The following VPS54 variants were observed in gnomAD, a reference collection of about 807,000 sequenced individuals.
VPS54 encodes VPS54 subunit of GARP complex, also known as vacuolar protein sorting-associated protein 54.
A neutral mutation model predicts 121.5 loss-of-function variants in VPS54; 45 were observed. The observed-to-expected ratio is 0.37, with a 90% CI of 0.29 to 0.47. VPS54 has a LOEUF of 0.47. Among genes scored for constraint, VPS54 ranks in the 20% least tolerant of loss-of-function variants. VPS54 has a pLI of 0.99. For synonymous variants in VPS54, 371 were observed against 385.8 expected, an observed-to-expected ratio of 0.96 and a Z score of 0.45; for missense variants, 1,090 against 1,131.4, an observed-to-expected ratio of 0.96 and a Z score of 0.52.
intron 12 of VPS54, among the ~76,000 whole-genome samples, chr2:63,927,522 A>G (rs1673965105): frequency 6.6e-6 from 1 of 152,196 alleles, no homozygotes; most frequent in East Asian, 1.9e-4. Flanking sequence ...AACATCAAAG[A>G]CCAAAGGTAG....
intron 11 of VPS54, among the ~76,000 whole-genome samples, chr2:63,939,981 C>A (rs1006187470): frequency 6.6e-6 from 1 of 152,144 alleles, no homozygotes; most frequent in African/African-American, 2.4e-5. Flanking sequence ...TGGTCTCGAT[C>A]TCTTGACCTT....
intron 1 of VPS54, among the ~76,000 whole-genome samples, chr2:63,998,237 A>G (rs1677696905): frequency 6.6e-6 from 1 of 151,958 alleles, no homozygotes; most frequent in Non-Finnish European, 1.5e-5. Flanking sequence ...CTTGAAATCT[A>G]TTTTGTCTGA....
chr2:64,015,006 A>T (rs1243476755), intron 1 of VPS54, among the ~76,000 whole-genome samples: 1 of 152,090 alleles, frequency 6.6e-6, no homozygotes, highest in Non-Finnish European at 1.5e-5. Context: ...GGACATTCAC[A>T]ACATACATAC....
intron 7 of VPS54, among the ~76,000 whole-genome samples, chr2:63,950,092 T>C (rs569830695): frequency 2.0e-5 from 3 of 152,374 alleles, no homozygotes; most frequent in African/African-American, 7.2e-5. Context: ...AAGATTCTTA[T>C]CTTGAAATCC....
At chr2:64,012,029 T>C (rs1294835501) in intron 1 of VPS54, among the ~76,000 whole-genome samples, 1 of 152,170 alleles carries the variant, frequency 6.6e-6, no homozygotes, top group African/African-American at 2.4e-5. Context: ...GGGTTTATGA[T>C]TACTATAACC....
At chr2:63,961,946 G>A (rs1023415814) in intron 7 of VPS54, 112 bp downstream of exon 7, 2 of 1,169,320 alleles carry the variant, frequency 1.7e-6, no homozygotes, top group Non-Finnish European at 2.3e-6. Context: ...CAATCTGGAA[G>A]AAAAAATATC....
At chr2:63,988,887 G>A (rs911291319) in intron 1 of VPS54, among the ~76,000 whole-genome samples, 1 of 152,142 alleles carries the variant, frequency 6.6e-6, no homozygotes, top group African/African-American at 2.4e-5. Flanking sequence ...AGCCAGGCAG[G>A]ACAGAGCCAT....
intron 3 of VPS54, among the ~76,000 whole-genome samples, chr2:63,979,398 C>T (rs1487652070): frequency 2.6e-5 from 4 of 152,006 alleles, no homozygotes; most frequent in Admixed American, 1.3e-4. Context: ...TGCCATCATG[C>T]CTGGCTAATT....
chr2:63,926,895 G>A (rs1373006461), intron 12 of VPS54, among the ~76,000 whole-genome samples: 1 of 152,194 alleles, frequency 6.6e-6, no homozygotes, highest in Non-Finnish European at 1.5e-5. Context: ...TAGCACAGGA[G>A]TCTGAGATCC....
chr2:64,013,732 A>AT (rs937724788), intron 1 of VPS54, among the ~76,000 whole-genome samples: 2 of 148,316 alleles, frequency 1.3e-5, no homozygotes, highest in Non-Finnish European at 3.0e-5. Flanking sequence ...AGATATATAT[A>AT]TATCATATAT....
intron 5 of VPS54, among the ~76,000 whole-genome samples, chr2:63,967,732 A>AAAAAAAAAAAAAAAAAAAC (rs1559027926): frequency 6.7e-6 from 1 of 149,976 alleles, no homozygotes; most frequent in Non-Finnish European, 1.5e-5. Flanking sequence ...AAAAAAAAAA[A>AAAAAAAAAAAAAAAAAAAC]AAATCTTATA....
intron 1 of VPS54, among the ~76,000 whole-genome samples, chr2:63,990,090 T>A (rs1025730164): frequency 2.6e-5 from 4 of 152,172 alleles, no homozygotes; most frequent in African/African-American, 9.7e-5. Flanking sequence ...GACATACCAA[T>A]CCCGTGACCC....
intron 7 of VPS54, among the ~76,000 whole-genome samples, chr2:63,958,551 A>G (rs973679806): frequency 2.0e-5 from 3 of 152,144 alleles, no homozygotes; most frequent in African/African-American, 7.2e-5. Context: ...TTATCTCTAC[A>G]AAAAAATTTA....
intron 7 of VPS54, among the ~76,000 whole-genome samples, chr2:63,956,935 A>G (rs986297321): frequency 6.6e-6 from 1 of 152,114 alleles, no homozygotes; most frequent in Non-Finnish European, 1.5e-5. Context: ...GTAACTAAAG[A>G]TTTTCTGTAT....
At chr2:63,986,391 C>T (rs1463312427) in intron 1 of VPS54, among the ~76,000 whole-genome samples, 1 of 152,170 alleles carries the variant, frequency 6.6e-6, no homozygotes, top group African/African-American at 2.4e-5. Context: ...CTGTGCCTGG[C>T]TTACATAGTG....
At chr2:63,941,412 A>T (rs1277333443) in intron 11 of VPS54, among the ~76,000 whole-genome samples, 1 of 152,088 alleles carries the variant, frequency 6.6e-6, no homozygotes, top group Non-Finnish European at 1.5e-5. Context: ...TATTTTGTAG[A>T]GATGAGGTCT....
chr2:63,933,119 G>C (rs1674290831), intron 12 of VPS54, among the ~76,000 whole-genome samples: 1 of 152,084 alleles, frequency 6.6e-6, no homozygotes, highest in Non-Finnish European at 1.5e-5. Flanking sequence ...CTGGATGAAG[G>C]TTATATGAGA....
At chr2:63,960,890 T>C (rs945232464) in intron 7 of VPS54, among the ~76,000 whole-genome samples, 1 of 152,186 alleles carries the variant, frequency 6.6e-6, no homozygotes, top group Non-Finnish European at 1.5e-5. Flanking sequence ...CAAAATTTTA[T>C]GTACAGGTAT....
rs531332375 is a variant in VPS54 at position 64,015,597 on chromosome 2, T to G, written c.-21+3341A>C. ...TAGCAACATCCTTGGCCAATACCAT[T>G]TCCTTCAGCTATGACAACCAAAAAT... On this transcript the variant is annotated intron_variant, in intron 1 of 22. Transcript: ENST00000272322. Among the ~76,000 whole-genome samples the G allele has an allele frequency of 2.6e-5, 4 of 152,318 alleles. No individual in the cohort carries two copies. In the East Asian group the frequency reaches 5.8e-4, roughly 22 times the overall value.
Sources: gnomAD v4.1 joint callset for allele counts (sites outside exome capture counted in the v4.1 genomes callset) on GRCh38, gnomAD v4.1.1 for gene constraint, MANE v1.5 for transcripts, NCBI Gene and HGNC (gene_info 2026-07-23, HGNC 2026-07-21) for gene names.